COL12A1: variants seen among roughly 807,000 people sequenced by gnomAD.
The protein encoded by COL12A1 is collagen alpha-1(XII) chain.
In COL12A1, 114 loss-of-function variants were observed where a neutral mutation model predicts 349.7. The ratio of observed to expected loss-of-function variants is 0.33; its 90% CI spans 0.28 to 0.38. COL12A1 has a LOEUF of 0.38. COL12A1 is among the 10% of genes least tolerant of loss of function. The pLI is 1.00. For synonymous variants in COL12A1, 1,369 were observed against 1,329.0 expected (o/e 1.03, Z -0.66); for missense variants, 3,284 against 3,756.9 (o/e 0.87, Z 3.29).
At chr6:75,118,582 TC>T (rs1769199104) in intron 46 of COL12A1, among the ~76,000 whole-genome samples, 1 of 152,192 alleles carries the variant, frequency 6.6e-6, no homozygotes, top group South Asian at 2.1e-4. Context: ...GCAAGATCTA[TC>T]CCACAGATGA....
intron 13 of COL12A1, among the ~76,000 whole-genome samples, chr6:75,166,290 A>C (rs1768303295): frequency 6.6e-6 from 1 of 152,218 alleles, no homozygotes; most frequent in South Asian, 2.1e-4. Context: ...TAATGCCAAC[A>C]ACAGTTTATT....
chr6:75,152,466 G>A lies in COL12A1; in HGVS notation c.3582C>T (p.Thr1194=). Residue 1194 remains threonine (T), a synonymous_variant, in exon 18 of 66, where the codon ACC becomes ACT. Transcript: ENST00000322507. ...GCAACACAATGTCTGCCTCAGCTCTGGTGAGACACTCCATCCCTGACATGG... is the reference window on the plus strand; with the variant it reads ...GCAACACAATGTCTGCCTCAGCTCTAGTGAGACACTCCATCCCTGACATGG... The part of the protein sequence containing the change: ...PILSSGMECL[T]RAEADIVLLV... The A allele has an allele frequency of 1.2e-6, 2 of 1,613,320 alleles. No homozygotes were observed. Among genetic ancestry groups the A allele is most frequent in the Non-Finnish European group, 1.7e-6 (2 of 1,179,566 alleles).
rs1259901133 is a variant in COL12A1 at position 75,172,330 on chromosome 6, C to T, written c.2710+2708G>A. Among the ~76,000 whole-genome samples the T allele has an allele frequency of 3.9e-5, 6 of 152,118 alleles. No individual in the cohort carries two copies. The East Asian group carries it at 7.7e-4, about 20-fold the overall frequency. ...TAATATATTATTCTTGGCAAAAATG[C>T]CTTAATTTTTAGAATCGAGAAGATT... On this transcript the variant is annotated intron_variant, in intron 13 of 65. Transcript: ENST00000322507.
intron 54 of COL12A1, among the ~76,000 whole-genome samples, chr6:75,104,474 T>C (rs1365969634): frequency 6.6e-6 from 1 of 152,166 alleles, no homozygotes; most frequent in Non-Finnish European, 1.5e-5. Flanking sequence ...AATAGTAAAT[T>C]TTCATGTTCT....
chr6:75,184,285 T>C, intron 8 of COL12A1, 141 bp from the exon 9 acceptor site: 1 of 900,420 alleles, frequency 1.1e-6, no homozygotes, highest in East Asian at 2.7e-5. Flanking sequence ...CCCGCCTCAG[T>C]CCCCAATTTC....
rs201692585 is a variant in COL12A1, at chr6:75,177,959, A to T, written c.2165-24T>A. On this transcript the variant is annotated intron_variant, in intron 11 of 65. Coordinates refer to ENST00000322507, the MANE Select transcript of COL12A1 (RefSeq NM_004370.6). ...TACTGAAATAAAAAAGGAAAAATAG[A>T]TTTTAAACCATAAATTGACTGACTT... The T allele has an allele frequency of 1.1e-4, 177 of 1,571,230 alleles. No individual in the cohort carries two copies. In the African/African-American group the frequency reaches 2.1e-3, roughly 19 times the overall value.
chr6:75,113,191 CTTATG>C lies in COL12A1; in HGVS notation c.7950+8_7950+12del. On this transcript the variant is annotated splice_region_variant and intron_variant, in intron 51 of 65. Transcript: ENST00000322507. ...TTTCTAGAAATAAGACTCAAATAAT[CTTATG>C]TTTTTACCTTGTGAAAACTTCCATA... is the stretch of plus-strand genomic sequence containing the variant. 1 of 1,385,674 alleles carries C rather than the reference CTTATG, an allele frequency of 7.2e-7. No individual in the cohort carries two copies. The highest frequency in any genetic ancestry group is 2.1e-5 in the Admixed American group (1 of 46,896). The allele number at this position is 1,385,674 out of a possible 1,614,324, so 85.8% of individuals were successfully genotyped here. A position where few individuals can be genotyped will look rare whatever the true frequency, so the allele number is the denominator to read the frequency against.
At chr6:75,171,538 A>G (rs1196939843) in intron 13 of COL12A1, among the ~76,000 whole-genome samples, 1 of 152,230 alleles carries the variant, frequency 6.6e-6, no homozygotes, top group African/African-American at 2.4e-5. Context: ...CATTTGAGGT[A>G]ATCTATAAGA....
intron 64 of COL12A1, among the ~76,000 whole-genome samples, chr6:75,088,415 T>TG (rs1212101741): frequency 6.1e-5 from 9 of 147,194 alleles, no homozygotes; most frequent in Admixed American, 4.1e-4. Flanking sequence ...TGAAGACTAC[T>TG]GGAAAAAACA....
rs768202912 is a variant in COL12A1, at chr6:75,152,468, T to G, written c.3580A>C (p.Thr1194Pro). The G allele has an allele frequency of 6.2e-7, 1 of 1,613,360 alleles. No individual in the cohort carries two copies. Among genetic ancestry groups the G allele is most frequent in the South Asian group, 1.1e-5 (1 of 91,074 alleles). ...PILSSGMECL[T>P]RAEADIVLLV... ...AACACAATGTCTGCCTCAGCTCTGG[T>G]GAGACACTCCATCCCTGACATGGCA... Residue 1194 changes from threonine (T) to proline (P), a missense_variant, in exon 18 of 66, where the codon ACC becomes CCC. Thr to Pro is a conservative substitution (Grantham distance 38, BLOSUM62 -1). Around this residue, in one of 2 missense-constraint regions of COL12A1, gnomAD observed 2,601 missense variants for 2,824.8 expected, o/e 0.92. Coordinates refer to ENST00000322507, the MANE Select transcript of COL12A1 (RefSeq NM_004370.6).
intron 64 of COL12A1, among the ~76,000 whole-genome samples, chr6:75,087,997 C>G (rs1265207395): frequency 6.6e-6 from 1 of 152,098 alleles, no homozygotes; most frequent in Non-Finnish European, 1.5e-5. Flanking sequence ...AAAATTCAGC[C>G]AAACCAGAGA....
chr6:75,110,929 A>T (rs1483364313), intron 51 of COL12A1, among the ~76,000 whole-genome samples: 2 of 151,970 alleles, frequency 1.3e-5, no homozygotes, highest in Non-Finnish European at 2.9e-5. Context: ...ACTTGAATTG[A>T]TGAGATGAGA....
In COL12A1 at chr6:75,088,332, C is replaced by T. The variant is rs200782706; in HGVS notation, c.9011-585G>A. On this transcript the variant is annotated intron_variant, in intron 64 of 65. Coordinates refer to ENST00000322507, the MANE Select transcript of COL12A1 (RefSeq NM_004370.6). ...AAAATATAAAAATGCTTTGGGAGAG[C>T]AGTGAATGAAATTTACCAATATCTC... is the stretch of plus-strand genomic sequence containing the variant. 4.6e-5 allele frequency among the ~76,000 whole-genome samples: 7 copies of T among 152,180 alleles called. No individual in the cohort carries two copies. In the East Asian group the frequency reaches 1.4e-3, roughly 29 times the overall value.
At chr6:75,120,471 G>C (rs563469853) in intron 44 of COL12A1, among the ~76,000 whole-genome samples, 1 of 152,248 alleles carries the variant, frequency 6.6e-6, no homozygotes, top group South Asian at 2.1e-4. Context: ...GAAAAGGAGA[G>C]AATTGTTTTT....
intron 14 of COL12A1, among the ~76,000 whole-genome samples, chr6:75,156,739 A>C (rs1325033074): frequency 6.6e-6 from 1 of 152,190 alleles, no homozygotes; most frequent in Non-Finnish European, 1.5e-5. Flanking sequence ...GCTAATACTA[A>C]AAAATGGAAG....
intron 27 of COL12A1, among the ~76,000 whole-genome samples, chr6:75,140,249 G>A (rs1417509411): frequency 6.6e-6 from 1 of 152,160 alleles, no homozygotes; most frequent in Non-Finnish European, 1.5e-5. Context: ...CTCCAGCCAT[G>A]ACCCTTACAA....
rs528373865 is a variant in COL12A1 at position 75,183,732 on chromosome 6, G to A, written c.1289-80C>T. ...TACATATCTAGCTTTCTTAGTAAGC[G>A]TGCTTCTTTAAAAAAAAAACTATTG... On this transcript the variant is annotated intron_variant, in intron 9 of 65. Transcript: ENST00000322507. The A allele has an allele frequency of 2.8e-4, 402 of 1,428,946 alleles. 2 individuals are homozygous for A. Among genetic ancestry groups the A allele is most frequent in the South Asian group, 2.6e-3 (190 of 73,636 alleles). 88.5% of individuals were successfully genotyped at this position (1,428,946 alleles called of 1,614,324 possible).
At position 75,194,873 on chromosome 6, in the gene COL12A1, C is replaced by A. The variant is rs767186117; in HGVS notation, c.148G>T (p.Asp50Tyr). 1.2e-6 allele frequency: 2 copies of A among 1,612,258 alleles called. No individual in the cohort carries two copies. Among genetic ancestry groups the A allele is most frequent in the Admixed American group, 3.3e-5 (2 of 59,858 alleles). The change falls in exon 3 of 66, where the codon GAT (aspartate) becomes TAT (tyrosine). Residue 50 changes from aspartate (D) to tyrosine (Y), a missense_variant. Physicochemically the swap from Asp to Tyr is radical, Grantham distance 160 (BLOSUM62 -3). This residue lies in a region of COL12A1 where 2,601 missense variants were observed against 2,824.8 expected (regional missense o/e 0.92). Coordinates refer to ENST00000322507, the MANE Select transcript of COL12A1 (RefSeq NM_004370.6). Reference protein sequence around the residue: ...TVHMSWAKPVDPIVGYRITVD... With the variant: ...TVHMSWAKPVYPIVGYRITVD... ...GTTATTCTGTAACCCACAATTGGAT[C>A]AACTGGTTTTGCCCATGACATATGA...
chr6:75,141,958 G>T, intron 27 of COL12A1, 74 bp downstream of exon 27: 1 of 1,549,828 alleles, frequency 6.5e-7, no homozygotes, highest in South Asian at 1.2e-5. Flanking sequence ...GAAACAAAAT[G>T]ACCCAGTAAA....
Sources: gnomAD v4.1 joint callset for allele counts (sites outside exome capture counted in the v4.1 genomes callset) on GRCh38, gnomAD v4.1.1 for gene constraint, gnomAD v4.1.1 regional missense constraint, MANE v1.5 for transcripts, NCBI Gene and HGNC (gene_info 2026-07-23, HGNC 2026-07-21) for gene names.